The following GPC6 variants were observed in gnomAD, a reference collection of about 807,000 sequenced individuals.
GPC6 encodes glypican 6.
In GPC6, 14 loss-of-function variants were observed where a neutral mutation model predicts 55.2. The ratio of observed to expected loss-of-function variants is 0.25; its 90% confidence interval spans 0.17 to 0.40. GPC6 has a LOEUF of 0.40. GPC6 is among the 10% of genes least tolerant of loss of function. GPC6 has a pLI of 1.00. For synonymous variants in GPC6, 278 were observed against 259.6 expected (o/e 1.07, Z -0.68); for missense variants, 641 against 708.5 (o/e 0.90, Z 1.08).
intron 4 of GPC6, among the ~76,000 whole-genome samples, chr13:94,035,869 T>A (rs930282602): frequency 1.3e-5 from 2 of 152,050 alleles, no homozygotes; most frequent in African/African-American, 4.8e-5. Flanking sequence ...AAAGTAGAAC[T>A]GCTAATCATG....
chr13:94,349,091 AC>A (rs1372930334), intron 6 of GPC6, among the ~76,000 whole-genome samples: 1 of 152,118 alleles, frequency 6.6e-6, no homozygotes, highest in African/African-American at 2.4e-5. Context: ...AACCTGTGGA[AC>A]CTCGAAAAGC....
intron 1 of GPC6, among the ~76,000 whole-genome samples, chr13:93,331,778 C>G (rs1442892878): frequency 6.6e-6 from 1 of 152,038 alleles, no homozygotes; most frequent in African/African-American, 2.4e-5. Flanking sequence ...TGTAGTCACC[C>G]TACTGCACTA....
At position 94,189,116 on chromosome 13, in the gene GPC6, C is replaced by T. The variant is rs534210818; in HGVS notation, c.878-97233C>T. 3.9e-5 allele frequency among the ~76,000 whole-genome samples: 6 copies of T among 152,200 alleles called. No individual in the cohort carries two copies. The South Asian group carries it at 6.2e-4, about 16-fold the overall frequency. ...CTCAAGAGACATTATCCCTGAAAAA[C>T]GGGTAGAAATTCAGGAAACTGCTTA... On this transcript the variant is annotated intron_variant, in intron 4 of 8. Coordinates refer to ENST00000377047, the MANE Select transcript of GPC6 (RefSeq NM_005708.5).
intron 1 of GPC6, among the ~76,000 whole-genome samples, chr13:93,251,078 C>T (rs1876771802): frequency 1.3e-5 from 2 of 152,066 alleles, no homozygotes; most frequent in Non-Finnish European, 1.5e-5. Flanking sequence ...AGGAAACCAT[C>T]CCCATGATTC....
At chr13:93,855,166 A>G (rs1180272611) in intron 3 of GPC6, among the ~76,000 whole-genome samples, 1 of 151,648 alleles carries the variant, frequency 6.6e-6, no homozygotes, top group East Asian at 1.9e-4. Flanking sequence ...AAAACTCTCT[A>G]TGTCCCACCT....
At chr13:94,273,269 G>A (rs1892101658) in intron 4 of GPC6, among the ~76,000 whole-genome samples, 1 of 152,144 alleles carries the variant, frequency 6.6e-6, no homozygotes, top group South Asian at 2.1e-4. Context: ...TTATGATCAT[G>A]CCTCTCTCCA....
At chr13:93,416,027 G>A (rs1876684850) in intron 1 of GPC6, among the ~76,000 whole-genome samples, 1 of 152,024 alleles carries the variant, frequency 6.6e-6, no homozygotes, top group African/African-American at 2.4e-5. Flanking sequence ...ACAATTTAAG[G>A]CTTTGTGAAA....
At chr13:94,348,759 A>C (rs1878404467) in intron 6 of GPC6, among the ~76,000 whole-genome samples, 2 of 152,112 alleles carry the variant, frequency 1.3e-5, no homozygotes, top group African/African-American at 4.8e-5. Context: ...CTACTTTCTC[A>C]TGCATACATC....
intron 2 of GPC6, among the ~76,000 whole-genome samples, chr13:93,746,492 C>T (rs773598430): frequency 6.6e-6 from 1 of 152,008 alleles, no homozygotes; most frequent in African/African-American, 2.4e-5. Context: ...ACTCAGAGAA[C>T]CCTAGAGCAT....
At chr13:94,237,331 CCTTT>C (rs1174866292) in intron 4 of GPC6, among the ~76,000 whole-genome samples, 1 of 152,112 alleles carries the variant, frequency 6.6e-6, no homozygotes, top group Non-Finnish European at 1.5e-5. Context: ...TCCTTCCCTT[CCTTT>C]CTTCCTTCTC....
chr13:94,263,528 G>A (rs1891710965), intron 4 of GPC6, among the ~76,000 whole-genome samples: 1 of 152,104 alleles, frequency 6.6e-6, no homozygotes. Flanking sequence ...CAGTAACATG[G>A]TTATCCAAGC....
intron 2 of GPC6, among the ~76,000 whole-genome samples, chr13:93,745,431 C>T (rs1884365173): frequency 6.6e-6 from 1 of 152,126 alleles, no homozygotes; most frequent in African/African-American, 2.4e-5. Context: ...CTGATACTCC[C>T]TCCTCTCATC....
At chr13:94,086,626 A>C (rs1885291155) in intron 4 of GPC6, among the ~76,000 whole-genome samples, 1 of 152,326 alleles carries the variant, frequency 6.6e-6, no homozygotes, top group East Asian at 1.9e-4. Context: ...ACTTCCCAAC[A>C]CAGCATTAAT....
chr13:93,629,560 G>T (rs975290332), intron 2 of GPC6, among the ~76,000 whole-genome samples: 2 of 152,134 alleles, frequency 1.3e-5, no homozygotes, highest in African/African-American at 4.8e-5. Flanking sequence ...AGTTAGAAAA[G>T]ATTAAAATAA....
intron 4 of GPC6, among the ~76,000 whole-genome samples, chr13:94,142,860 C>G (rs1439580554): frequency 1.3e-5 from 2 of 150,322 alleles, no homozygotes; most frequent in African/African-American, 4.9e-5. Flanking sequence ...GACTGAGGCT[C>G]TCTCTGTCAC....
intron 2 of GPC6, among the ~76,000 whole-genome samples, chr13:93,634,815 T>C (rs562508278): frequency 1.3e-5 from 2 of 152,180 alleles, no homozygotes; most frequent in Non-Finnish European, 2.9e-5. Context: ...CAGTGTTATG[T>C]GGTCAGTCGC....
intron 1 of GPC6, among the ~76,000 whole-genome samples, chr13:93,266,654 A>G (rs1017404345): frequency 2.0e-5 from 3 of 152,228 alleles, no homozygotes; most frequent in Non-Finnish European, 4.4e-5. Flanking sequence ...TAATATGCAT[A>G]TACAGTTTGT....
intron 3 of GPC6, among the ~76,000 whole-genome samples, chr13:93,967,176 A>T (rs74109168): frequency 0.011 from 1,665 of 152,282 alleles, 26 homozygotes; most frequent in Middle Eastern, 0.041. Context: ...TTTGCTGAGC[A>T]ACTGCAGTGT....
intron 2 of GPC6, among the ~76,000 whole-genome samples, chr13:93,817,596 C>T (rs991542133): frequency 3.9e-5 from 6 of 152,276 alleles, no homozygotes; most frequent in Admixed American, 3.3e-4. Flanking sequence ...CAGTGGCTCA[C>T]GCCTGTAATC....
Sources: gnomAD v4.1 joint callset for allele counts (sites outside exome capture counted in the v4.1 genomes callset) on GRCh38, gnomAD v4.1.1 for gene constraint, MANE v1.5 for transcripts, NCBI Gene and HGNC (gene_info 2026-07-23, HGNC 2026-07-21) for gene names.